Variants in SLC11A2 observed in about 807,000 individuals in gnomAD.
SLC11A2 encodes solute carrier family 11 member 2.
Under a neutral mutation model 68.0 loss-of-function variants are expected in SLC11A2, and 38 were observed. That is an observed-to-expected ratio of 0.56 (90% CI 0.43 to 0.73). SLC11A2 has a LOEUF of 0.73. Ranked by LOEUF, SLC11A2 falls within the 30% of genes least tolerant of loss-of-function variation. The pLI is 0.00. For synonymous variants in SLC11A2, 242 were observed against 250.6 expected (o/e 0.97, Z 0.32); for missense variants, 517 against 690.5 (o/e 0.75, Z 2.82).
chr12:50,970,066 C>G, the SLC11A2 span, among the ~76,000 whole-genome samples: 1 of 152,108 alleles, frequency 6.6e-6, no homozygotes. Context: ...GGAATTAGAT[C>G]CACTCACCAT....
chr12:51,004,890 C>G lies in SLC11A2; in HGVS notation c.327G>C (p.Leu109=). The G allele has an allele frequency of 6.2e-7, 1 of 1,614,130 alleles. No individual in the cohort carries two copies. Among genetic ancestry groups the G allele is most frequent in the South Asian group, 1.1e-5 (1 of 91,072 alleles). Residue 109 remains leucine, a synonymous_variant, in exon 5 of 16, where the codon CTG becomes CTC. Coordinates refer to ENST00000262052, the MANE Select transcript of SLC11A2 (RefSeq NM_000617.3). ...VAGFKLLWIL[L]LATLVGLLLQ... is the part of the protein sequence containing the mutation. Reference sequence around the variant, plus strand: ...GCAGCAGCCCCACAAGGGTGGCCAACAGAAGGATCCAGAGCAACTAAGAAG... The same window carrying G: ...GCAGCAGCCCCACAAGGGTGGCCAAGAGAAGGATCCAGAGCAACTAAGAAG...
chr12:50,993,211 A>C, intron 11 of SLC11A2: 1 of 343,902 alleles, frequency 2.9e-6, no homozygotes, highest in South Asian at 3.4e-5. Context: ...AAAAAAAAAA[A>C]AGAGGTCTAC....
intron 11 of SLC11A2, 118 bp from the exon 12 acceptor site, chr12:50,993,047 G>T: frequency 1.6e-6 from 2 of 1,222,722 alleles, no homozygotes; most frequent in South Asian, 1.3e-5. Flanking sequence ...AACACCAAGT[G>T]CTGTGCTGCG....
At position 51,008,524 on chromosome 12, in the gene SLC11A2, C is replaced by T. The variant is rs763751718; in HGVS notation, c.135G>A (p.Glu45=). The change falls in exon 3 of 16, where the codon GAG becomes GAA. Residue 45 remains glutamate, a synonymous_variant. Coordinates refer to ENST00000262052, the MANE Select transcript of SLC11A2 (RefSeq NM_000617.3). ...SLSQSPGDSE[E]YFATYFNEKI... ...TCTCATTAAAGTAAGTGGCGAAGTA[C>T]TCCTCTGAGTCCCCAGGGGACTGTG... 2.5e-6 allele frequency: 4 copies of T among 1,613,278 alleles called. No homozygotes were observed. In the Admixed American group the frequency reaches 5.0e-5, roughly 20 times the overall value.
downstream of SLC11A2, among the ~76,000 whole-genome samples, chr12:50,985,697 A>T (rs952109852): frequency 2.0e-5 from 3 of 152,230 alleles, no homozygotes; most frequent in African/African-American, 7.2e-5. Context: ...AGAAAAGCAG[A>T]ATAAAATTTT....
chr12:51,021,295 A>C (rs1944027170), intron 1 of SLC11A2, among the ~76,000 whole-genome samples: 2 of 152,108 alleles, frequency 1.3e-5, no homozygotes, highest in Non-Finnish European at 2.9e-5. Context: ...CCCTAGTAAT[A>C]ATCTCAAAAT....
intron 11 of SLC11A2, among the ~76,000 whole-genome samples, chr12:50,993,854 A>G (rs1222478610): frequency 1.3e-5 from 2 of 151,544 alleles, no homozygotes; most frequent in Non-Finnish European, 1.5e-5. Context: ...ATAGCCAAGC[A>G]TGGTGGTGCT....
At position 50,992,324 on chromosome 12, in the gene SLC11A2, T is replaced by G; in HGVS notation, c.1213A>C (p.Lys405Gln). 1 of 1,613,948 alleles carries G rather than the reference T, an allele frequency of 6.2e-7. No homozygotes were observed. Among genetic ancestry groups the G allele is most frequent in the Non-Finnish European group, 8.5e-7 (1 of 1,179,956 alleles). ...QFVMEGFLNL[K>Q]WSRFARVVLT... ...ACCACTCGGGCAAAGCGTGACCACTTTAGGTTCAGGAATCCCTGGAAGAAA... is the reference window on the plus strand; with the variant it reads ...ACCACTCGGGCAAAGCGTGACCACTGTAGGTTCAGGAATCCCTGGAAGAAA... The change falls in exon 13 of 16, where the codon AAG becomes CAG. Residue 405 changes from lysine (K) to glutamine (Q), a missense_variant. Coordinates refer to ENST00000262052, the MANE Select transcript of SLC11A2 (RefSeq NM_000617.3).
downstream of SLC11A2, among the ~76,000 whole-genome samples, chr12:50,984,261 G>T (rs769799018): frequency 6.6e-6 from 1 of 152,168 alleles, no homozygotes; most frequent in Non-Finnish European, 1.5e-5. Context: ...TGTGAAGACA[G>T]ATTAGACCAA....
chr12:51,022,085 G>T (rs1246463867), intron 1 of SLC11A2, among the ~76,000 whole-genome samples: 2 of 152,094 alleles, frequency 1.3e-5, no homozygotes, highest in African/African-American at 4.8e-5. Flanking sequence ...TACTTCCAGT[G>T]ACTATAGCTT....
At chr12:51,021,908 G>A (rs1226954075) in intron 1 of SLC11A2, among the ~76,000 whole-genome samples, 1 of 152,050 alleles carries the variant, frequency 6.6e-6, no homozygotes, top group East Asian at 1.9e-4. Flanking sequence ...CTGTCAAGGA[G>A]TACTTATCTT....
chr12:50,967,430 A>G, the SLC11A2 span, among the ~76,000 whole-genome samples: 1 of 152,060 alleles, frequency 6.6e-6, no homozygotes, highest in African/African-American at 2.4e-5. Flanking sequence ...TACGGGCATG[A>G]GCTACCAGAC....
the SLC11A2 span, among the ~76,000 whole-genome samples, chr12:50,970,957 C>G: frequency 6.6e-6 from 1 of 152,104 alleles, no homozygotes; most frequent in Non-Finnish European, 1.5e-5. Flanking sequence ...CCGCTCACCG[C>G]AACCTCTGCC....
chr12:51,008,121 C>G (rs7397068), intron 3 of SLC11A2: 31,932 of 191,468 alleles, frequency 0.17, 3,215 homozygotes, highest in East Asian at 0.48. Context: ...GGGAGAATCA[C>G]TTGACCCCAG....
the SLC11A2 span, among the ~76,000 whole-genome samples, chr12:50,967,698 C>T: frequency 6.6e-6 from 1 of 152,180 alleles, no homozygotes; most frequent in Non-Finnish European, 1.5e-5. Flanking sequence ...GAACCAATTC[C>T]GGATAACCCA....
chr12:50,992,659 G>T (rs1941274781), intron 12 of SLC11A2, 151 bp downstream of exon 12: 3 of 778,500 alleles, frequency 3.9e-6, no homozygotes, highest in East Asian at 2.7e-5. Context: ...TTGAACCCGG[G>T]AGGTGGAGGT....
At chr12:50,952,669 A>G in the SLC11A2 span, among the ~76,000 whole-genome samples, 1 of 152,052 alleles carries the variant, frequency 6.6e-6, no homozygotes, top group African/African-American at 2.4e-5. Flanking sequence ...GCGCGTGTGC[A>G]GCTCGAGGCT....
At chr12:50,994,951 G>T (rs1756236392) in intron 10 of SLC11A2, 2 of 354,864 alleles carry the variant, frequency 5.6e-6, no homozygotes, top group South Asian at 5.0e-5. Context: ...ACCCAGAATA[G>T]AATCCTCAGT....
At chr12:50,955,876 G>A in the SLC11A2 span, among the ~76,000 whole-genome samples, 1 of 152,250 alleles carries the variant, frequency 6.6e-6, no homozygotes, top group South Asian at 2.1e-4. Flanking sequence ...TGTGCCTGTT[G>A]TATATTAAAT....
Sources: gnomAD v4.1 joint callset for allele counts (sites outside exome capture counted in the v4.1 genomes callset) on GRCh38, gnomAD v4.1.1 for gene constraint, MANE v1.5 for transcripts, NCBI Gene and HGNC (gene_info 2026-07-23, HGNC 2026-07-21) for gene names.